Variants in SH3KBP1 observed in about 807,000 individuals in gnomAD.
SH3KBP1 encodes the protein SH3 domain containing kinase binding protein 1, also known as SH3 domain-containing kinase-binding protein 1.
SH3KBP1 carries 8 observed loss-of-function variants against 50.1 expected under a neutral mutation model. The ratio of observed to expected loss-of-function variants is 0.16; its 90% CI spans 0.09 to 0.29. The LOEUF is 0.29. Among genes scored for constraint, SH3KBP1 ranks in the 10% least tolerant of loss-of-function variants. The pLI, the probability that SH3KBP1 is intolerant of heterozygous loss-of-function variation, is 1.00. For missense variants in SH3KBP1, 377 were observed against 535.2 expected, an observed-to-expected ratio of 0.70 and a Z score of 2.92; for synonymous variants, 227 against 218.6, an observed-to-expected ratio of 1.04 and a Z score of -0.34.
chrX:19,720,471 A>G (rs1219222653), intron 3 of SH3KBP1, among the ~76,000 whole-genome samples: 2 of 112,277 alleles, frequency 1.8e-5, no homozygotes, highest in Non-Finnish European at 3.8e-5. Context: ...ACATATTTAT[A>G]GGGTTTTGTT....
intron 1 of SH3KBP1, among the ~76,000 whole-genome samples, chrX:19,871,774 T>C (rs764421661): frequency 9.0e-6 from 1 of 110,818 alleles, no homozygotes; most frequent in Non-Finnish European, 1.9e-5. Context: ...GAGGAGTGCA[T>C]GATGACACAA....
At chrX:19,560,630 T>C (rs964809256) in intron 13 of SH3KBP1, among the ~76,000 whole-genome samples, 20 of 111,270 alleles carry the variant, frequency 1.8e-4, no homozygotes, top group Admixed American at 1.5e-3. Flanking sequence ...AGCCCCTGGA[T>C]TAATGATGAA....
chrX:19,767,459 A>C (rs1288917379), intron 2 of SH3KBP1, among the ~76,000 whole-genome samples: 1 of 112,593 alleles, frequency 8.9e-6, no homozygotes, highest in Non-Finnish European at 1.9e-5. Context: ...TCTGAGTCTT[A>C]ATAAACAATT....
chrX:19,809,118 G>C (rs1266351073), intron 2 of SH3KBP1, among the ~76,000 whole-genome samples: 1 of 111,867 alleles, frequency 8.9e-6, no homozygotes, highest in Non-Finnish European at 1.9e-5. Context: ...TACAGCACTT[G>C]GTTCTTGTTC....
chrX:19,594,644 T>G (rs1221290353), intron 10 of SH3KBP1, among the ~76,000 whole-genome samples: 1 of 111,956 alleles, frequency 8.9e-6, no homozygotes, highest in Non-Finnish European at 1.9e-5. Context: ...AAAAGCTGTT[T>G]ACTTAAAAAA....
chrX:19,598,997 G>A (rs974163895), intron 9 of SH3KBP1, among the ~76,000 whole-genome samples: 1 of 111,889 alleles, frequency 8.9e-6, no homozygotes, highest in African/African-American at 3.3e-5. Flanking sequence ...TGTAAAAAAC[G>A]CAATATCTGA....
At chrX:19,873,595 C>A (rs754797920) in intron 1 of SH3KBP1, among the ~76,000 whole-genome samples, 1 of 106,547 alleles carries the variant, frequency 9.4e-6, no homozygotes, top group Admixed American at 1.0e-4. Flanking sequence ...TCGTTTGAAC[C>A]CAGGAGGCAG....
Position 19,542,020 on chromosome X carries a change from C to T in SH3KBP1, c.1797G>A (p.Met599Ile). Residue 599 changes from methionine to isoleucine, a missense_variant, in exon 16 of 18, where the codon ATG becomes ATA. Physicochemically the swap from Met to Ile is conservative, Grantham distance 10. Coordinates refer to ENST00000397821, the MANE Select transcript of SH3KBP1 (RefSeq NM_031892.3). ...SLFGTEGKPK[M>I]EPAASSQAAV... Reference sequence around the variant, plus strand: ...CCGCCTGGCTGCTGGCCGCAGGCTCCATCTTTGGTTTTCCTTCCGTGCCGA... The same window carrying T: ...CCGCCTGGCTGCTGGCCGCAGGCTCTATCTTTGGTTTTCCTTCCGTGCCGA... The T allele has an allele frequency of 8.3e-7, 1 of 1,212,071 alleles. No homozygotes were observed. Among genetic ancestry groups the T allele is most frequent in the South Asian group, 1.8e-5 (1 of 56,988 alleles).
chrX:19,587,703 A>G (rs1182424707), intron 12 of SH3KBP1, among the ~76,000 whole-genome samples: 1 of 111,132 alleles, frequency 9.0e-6, no homozygotes, highest in Non-Finnish European at 1.9e-5. Context: ...CCAAGCTCCT[A>G]CTCCTCCCAT....
intron 17 of SH3KBP1, among the ~76,000 whole-genome samples, 182 bp downstream of exon 17, chrX:19,537,535 C>T (rs1244352804): frequency 9.0e-6 from 1 of 111,154 alleles, no homozygotes; most frequent in Non-Finnish European, 1.9e-5. Flanking sequence ...TGTTTCCCTT[C>T]CCCAAGACTT....
intron 13 of SH3KBP1, among the ~76,000 whole-genome samples, chrX:19,561,292 C>T (rs1277715239): frequency 1.8e-5 from 2 of 110,218 alleles, no homozygotes; most frequent in African/African-American, 6.6e-5. Context: ...AAAGGGCTGG[C>T]AGGCTCTCAT....
At chrX:19,800,457 A>G (rs1444637512) in intron 2 of SH3KBP1, among the ~76,000 whole-genome samples, 1 of 112,073 alleles carries the variant, frequency 8.9e-6, no homozygotes, top group African/African-American at 3.2e-5. Context: ...CCCCAAGGAG[A>G]GATTCCAAGG....
intron 13 of SH3KBP1, 79 bp downstream of exon 13, chrX:19,569,024 A>C: frequency 1.2e-6 from 1 of 862,130 alleles, no homozygotes; most frequent in Non-Finnish European, 1.7e-6. Flanking sequence ...ACTTCTCATC[A>C]TGCTGGTTGA....
chrX:19,587,138 C>G lies in SH3KBP1; in HGVS notation c.1298+1505G>C, dbSNP rs1254177021. On this transcript the variant is annotated intron_variant, in intron 12 of 17. Coordinates refer to ENST00000397821, the MANE Select transcript of SH3KBP1 (RefSeq NM_031892.3). ...TCGGGAGGCTGGGGCAGGTGAATCC[C>G]TTGAACCCAGGAGGAGGAGGTTGCG... Among the ~76,000 whole-genome samples, 3 of 107,911 alleles carry G rather than the reference C, an allele frequency of 2.8e-5. No individual in the cohort carries two copies. In the Admixed American group the frequency reaches 3.0e-4, roughly 11 times the overall value. 93.7% of individuals were successfully genotyped at this position (107,911 alleles called of 115,157 possible). A position where few individuals can be genotyped will look rare whatever the true frequency, so the allele number is the denominator to read the frequency against.
intron 13 of SH3KBP1, among the ~76,000 whole-genome samples, chrX:19,562,640 T>C (rs1044991322): frequency 9.0e-6 from 1 of 111,384 alleles, no homozygotes; most frequent in South Asian, 3.9e-4. Flanking sequence ...TCAGACTGAA[T>C]GATGAACGAG....
chrX:19,603,902 G>C (rs2067166656), intron 9 of SH3KBP1, among the ~76,000 whole-genome samples: 1 of 111,561 alleles, frequency 9.0e-6, no homozygotes, highest in South Asian at 3.8e-4. Flanking sequence ...TGCCCAGGTT[G>C]GTCTCAAACT....
intron 2 of SH3KBP1, among the ~76,000 whole-genome samples, chrX:19,804,881 T>TCC (rs1491090839): frequency 1.0e-3 from 5 of 4,789 alleles, no homozygotes; most frequent in African/African-American, 3.4e-3. Context: ...GCCCAAACCC[T>TCC]ACCCCCCCCC....
intron 13 of SH3KBP1, among the ~76,000 whole-genome samples, chrX:19,552,206 C>T (rs1264154727): frequency 8.9e-6 from 1 of 112,211 alleles, no homozygotes; most frequent in Non-Finnish European, 1.9e-5. Flanking sequence ...TAGCTAGTTT[C>T]CAAATCATTT....
chrX:19,559,690 A>G (rs1298482524), intron 13 of SH3KBP1, among the ~76,000 whole-genome samples: 1 of 111,306 alleles, frequency 9.0e-6, no homozygotes, highest in African/African-American at 3.3e-5. Context: ...CAAATTATAT[A>G]CCAAAAACCA....
Sources: allele counts gnomAD v4.1 joint callset (sites outside exome capture counted in the v4.1 genomes callset), GRCh38; gene constraint gnomAD v4.1.1; transcripts MANE v1.5; gene names NCBI Gene and HGNC (gene_info 2026-07-23, HGNC 2026-07-21).